The following RAD51B variants were observed in gnomAD, a reference collection of about 807,000 sequenced individuals.
RAD51B encodes the protein RAD51 paralog B, also known as DNA repair protein RAD51 homolog 2.
In RAD51B, 38 loss-of-function variants were observed where a neutral mutation model predicts 42.2. That is an observed-to-expected ratio of 0.90 (90% confidence interval 0.70 to 1.18). The LOEUF is 1.18. Among genes scored for constraint, RAD51B ranks in the 50% most tolerant of loss-of-function variants. RAD51B has a pLI of 0.00. For missense variants in RAD51B, 373 were observed against 400.7 expected (o/e 0.93, Z 0.59); for synonymous variants, 154 against 145.2 (o/e 1.06, Z -0.43).
At chr14:67,977,429 C>T (rs1235410480) in intron 7 of RAD51B, among the ~76,000 whole-genome samples, 4 of 152,334 alleles carry the variant, frequency 2.6e-5, no homozygotes, top group East Asian at 1.9e-4. Context: ...AAGTTCCCTC[C>T]GGCCAACTAT....
At chr14:68,011,394 G>C (rs1184894225) in intron 7 of RAD51B, among the ~76,000 whole-genome samples, 1 of 151,862 alleles carries the variant, frequency 6.6e-6, no homozygotes, top group Non-Finnish European at 1.5e-5. Context: ...TGATTAACAG[G>C]CTCCCCAAAA....
chr14:68,490,486 C>T (rs1324449219), intron 10 of RAD51B, among the ~76,000 whole-genome samples: 6 of 152,286 alleles, frequency 3.9e-5, no homozygotes, highest in East Asian at 3.9e-4. Context: ...ATAAGTGATT[C>T]GTTTCTGGTA....
intron 10 of RAD51B, among the ~76,000 whole-genome samples, chr14:68,624,777 CTAAG>C (rs1232946608): frequency 6.6e-6 from 1 of 152,184 alleles, no homozygotes; most frequent in East Asian, 1.9e-4. Context: ...AATTTCGTTC[CTAAG>C]TGAGACTTCT....
chr14:68,460,642 G>A (rs540082026), intron 9 of RAD51B, among the ~76,000 whole-genome samples: 2 of 152,220 alleles, frequency 1.3e-5, no homozygotes, highest in Admixed American at 6.5e-5. Flanking sequence ...AGAAGGTGTC[G>A]CCATCCTGGA....
chr14:68,331,874 C>A (rs1037988841), intron 8 of RAD51B, among the ~76,000 whole-genome samples: 1 of 152,096 alleles, frequency 6.6e-6, no homozygotes, highest in Admixed American at 6.5e-5. Context: ...ATTCTGCAAA[C>A]TGGTTATTGA....
chr14:68,504,222 T>C (rs1885121459), intron 10 of RAD51B, among the ~76,000 whole-genome samples: 1 of 152,118 alleles, frequency 6.6e-6, no homozygotes, highest in Non-Finnish European at 1.5e-5. Flanking sequence ...CCAGTTGTAT[T>C]TCCTGACTCC....
chr14:68,030,744 G>A (rs2076028543), intron 7 of RAD51B, among the ~76,000 whole-genome samples: 1 of 152,200 alleles, frequency 6.6e-6, no homozygotes, highest in Non-Finnish European at 1.5e-5. Flanking sequence ...TTGGCTAACT[G>A]TTTGGTGCAG....
chr14:68,332,960 A>G (rs1219646721), intron 8 of RAD51B, among the ~76,000 whole-genome samples: 1 of 152,222 alleles, frequency 6.6e-6, no homozygotes, highest in African/African-American at 2.4e-5. Flanking sequence ...TGACTGGGAA[A>G]TAGAGGTGTA....
At chr14:67,985,526 A>G (rs557327035) in intron 7 of RAD51B, among the ~76,000 whole-genome samples, 1 of 152,158 alleles carries the variant, frequency 6.6e-6, no homozygotes, top group East Asian at 1.9e-4. Flanking sequence ...TTGAGGGAAT[A>G]GGAATTTTCT....
chr14:68,484,207 A>G (rs1883425648), intron 10 of RAD51B, among the ~76,000 whole-genome samples: 1 of 152,144 alleles, frequency 6.6e-6, no homozygotes, highest in Admixed American at 6.5e-5. Context: ...AGCTGCTTCC[A>G]AGTAAGCTGT....
intron 8 of RAD51B, among the ~76,000 whole-genome samples, chr14:68,374,271 T>G (rs1168563320): frequency 6.6e-6 from 1 of 152,040 alleles, no homozygotes; most frequent in African/African-American, 2.4e-5. Flanking sequence ...AGAAAAAAAA[T>G]GATTGAATGA....
chr14:67,873,084 C>G (rs1784106339), intron 5 of RAD51B, among the ~76,000 whole-genome samples: 2 of 152,132 alleles, frequency 1.3e-5, no homozygotes, highest in South Asian at 4.1e-4. Context: ...CCAAAATTGA[C>G]AAATGGGATC....
intron 7 of RAD51B, among the ~76,000 whole-genome samples, chr14:67,997,030 A>T (rs2075397003): frequency 6.6e-6 from 1 of 152,176 alleles, no homozygotes; most frequent in African/African-American, 2.4e-5. Flanking sequence ...ATCAACTTAG[A>T]TGGGAAGGAA....
chr14:68,024,984 G>T (rs1468047496), intron 7 of RAD51B, among the ~76,000 whole-genome samples: 1 of 151,988 alleles, frequency 6.6e-6, no homozygotes, highest in Non-Finnish European at 1.5e-5. Flanking sequence ...TTGGCTGTGG[G>T]TTTGTCATAG....
intron 9 of RAD51B, 62 bp from the exon 10 acceptor site, chr14:68,468,110 A>G: frequency 7.3e-7 from 1 of 1,372,438 alleles, no homozygotes; most frequent in Non-Finnish European, 1.0e-6. Flanking sequence ...TGGGAAGGGG[A>G]GTGAATAGAG....
chr14:68,043,765 A>C (rs1481382005), intron 7 of RAD51B, among the ~76,000 whole-genome samples: 1 of 152,334 alleles, frequency 6.6e-6, no homozygotes, highest in East Asian at 1.9e-4. Flanking sequence ...CTTCTGAAGA[A>C]ATAGATTGGA....
chr14:68,637,436 G>A (rs1052683718), intron 10 of RAD51B, among the ~76,000 whole-genome samples: 4 of 152,120 alleles, frequency 2.6e-5, no homozygotes, highest in African/African-American at 9.7e-5. Context: ...AGCCATCCTG[G>A]GCAGGCCTGA....
At chr14:68,182,311 G>C (rs2079073499) in intron 7 of RAD51B, among the ~76,000 whole-genome samples, 1 of 152,118 alleles carries the variant, frequency 6.6e-6, no homozygotes, top group Non-Finnish European at 1.5e-5. Flanking sequence ...CCACTAGTTT[G>C]GATCAACATG....
intron 10 of RAD51B, among the ~76,000 whole-genome samples, chr14:68,575,788 C>G (rs1282645593): frequency 6.6e-6 from 1 of 152,228 alleles, no homozygotes; most frequent in East Asian, 1.9e-4. Context: ...GTCAGAAAGC[C>G]TCATACTTAC....
Sources: allele counts gnomAD v4.1 joint callset (sites outside exome capture counted in the v4.1 genomes callset), GRCh38; gene constraint gnomAD v4.1.1; transcripts MANE v1.5; gene names NCBI Gene and HGNC (gene_info 2026-07-23, HGNC 2026-07-21).